Variants in SLC35E3 observed in about 807,000 individuals in gnomAD.
SLC35E3 encodes bladder cancer-overexpressed gene 1 protein.
A neutral mutation model predicts 30.8 loss-of-function variants in SLC35E3; 28 were observed. The observed-to-expected ratio is 0.91, with a 90% confidence interval of 0.67 to 1.25. The LOEUF (loss-of-function observed/expected upper bound fraction) is 1.25. Among genes scored for constraint, SLC35E3 ranks in the 50% most tolerant of loss-of-function variants. The pLI is 0.00. For synonymous variants in SLC35E3, 146 were observed against 149.2 expected (o/e 0.98, Z 0.16); for missense variants, 365 against 375.4 (o/e 0.97, Z 0.23).
rs747011413 is a variant in SLC35E3, at chr12:68,746,816, G to A, written c.402+37G>A. ...CAGCTTCCCAAGGCGCCGCTCTCCC[G>A]ACCCACCTCCTGCACTGGCCCCGGG... On this transcript the variant is annotated intron_variant, in intron 1 of 4. Transcript: ENST00000398004. The A allele has an allele frequency of 8.5e-6, 13 of 1,532,984 alleles. No homozygotes were observed. The East Asian group carries it at 1.8e-4, about 21-fold the overall frequency. The allele number at this position is 1,532,984 out of a possible 1,614,324, so 95.0% of individuals were successfully genotyped here. A position where few individuals can be genotyped will look rare whatever the true frequency, so the allele number is the denominator to read the frequency against.
At chr12:68,755,812 T>C (rs1382942385) in intron 3 of SLC35E3, among the ~76,000 whole-genome samples, 3 of 152,208 alleles carry the variant, frequency 2.0e-5, no homozygotes, top group African/African-American at 7.2e-5. Context: ...TCATGAGGGA[T>C]CCAGCCCCAT....
rs1437323771 is a variant in SLC35E3 at position 68,773,083 on chromosome 12, G to C, written c.*8193G>C. 2.0e-5 allele frequency: 3 copies of C among 152,238 alleles called. No individual in the cohort carries two copies. Among genetic ancestry groups the C allele is most frequent in the Non-Finnish European group, 4.4e-5 (3 of 68,058 alleles). 9.4% of individuals were successfully genotyped at this position (152,238 alleles called of 1,614,324 possible). The stretch of plus-strand genomic sequence containing the variant: ...AAAATAAATTTTGTTATCCGTGCTT[G>C]GGGCGGTGACCCTTGACCCCATTCC... On this transcript the variant is annotated 3_prime_UTR_variant, in exon 5 of 5. Transcript: ENST00000398004.
At chr12:68,763,343 A>T (rs889919187) in intron 4 of SLC35E3, among the ~76,000 whole-genome samples, 1 of 152,124 alleles carries the variant, frequency 6.6e-6, no homozygotes, top group African/African-American at 2.4e-5. Context: ...TAGAAAAAAT[A>T]GTTATATTTA....
rs1159509119 is a variant in SLC35E3 at position 68,775,496 on chromosome 12, G to A, written c.*10606G>A. ...GAGGGACTTGAGCATGGTAGCTCAG[G>A]TCTCTCTTCCTCTTCTTATAAAGGC... On this transcript the variant is annotated 3_prime_UTR_variant, in exon 5 of 5. Coordinates refer to ENST00000398004, the MANE Select transcript of SLC35E3 (RefSeq NM_018656.5). 1 of 152,132 alleles carries A rather than the reference G, an allele frequency of 6.6e-6. No individual in the cohort carries two copies. The highest frequency in any genetic ancestry group is 6.6e-5 in the Admixed American group (1 of 15,266). 9.4% of individuals were successfully genotyped at this position (152,132 alleles called of 1,614,324 possible).
chr12:68,749,166 G>C (rs1004438695), intron 2 of SLC35E3, among the ~76,000 whole-genome samples: 11 of 152,150 alleles, frequency 7.2e-5, no homozygotes, highest in Non-Finnish European at 1.2e-4. Context: ...GTTCACACAA[G>C]TCTCAAAATT....
At position 68,769,240 on chromosome 12, in the gene SLC35E3, T is replaced by C. The variant is rs1348021590; in HGVS notation, c.*4350T>C. Reference sequence around the variant, plus strand: ...CTGGGCAACAGAGCAAGACTCCATCTCAATAATAATAATAATAATAACAAA... The same window carrying C: ...CTGGGCAACAGAGCAAGACTCCATCCCAATAATAATAATAATAATAACAAA... On this transcript the variant is annotated 3_prime_UTR_variant, in exon 5 of 5. Transcript: ENST00000398004. 1.7e-5 allele frequency: 1 copy of C among 60,046 alleles called. No individual in the cohort carries two copies. The highest frequency in any genetic ancestry group is 4.3e-4 in the East Asian group (1 of 2,348). 3.7% of individuals were successfully genotyped at this position (60,046 alleles called of 1,614,324 possible).
intron 4 of SLC35E3, among the ~76,000 whole-genome samples, chr12:68,761,345 C>T (rs907520515): frequency 6.6e-6 from 1 of 152,088 alleles, no homozygotes; most frequent in Non-Finnish European, 1.5e-5. Flanking sequence ...CCCAGGAGTT[C>T]GAGACCAGTC....
chr12:68,770,815 C>G lies in SLC35E3; in HGVS notation c.*5925C>G, dbSNP rs1020438019. 1.3e-5 allele frequency: 2 copies of G among 152,702 alleles called. No homozygotes were observed. The highest frequency in any genetic ancestry group is 4.8e-5 in the African/African-American group (2 of 41,348). 9.5% of individuals were successfully genotyped at this position (152,702 alleles called of 1,614,324 possible). A position where few individuals can be genotyped will look rare whatever the true frequency, so the allele number is the denominator to read the frequency against. ...CGCCACTGCACTCTAGCCTGGGTGA[C>G]AGAGTGAGTCCCTGTCTCAACAACA... On this transcript the variant is annotated 3_prime_UTR_variant, in exon 5 of 5. Coordinates refer to ENST00000398004, the MANE Select transcript of SLC35E3 (RefSeq NM_018656.5).
At position 68,764,770 on chromosome 12, in the gene SLC35E3, T is replaced by C; in HGVS notation, c.822T>C (p.Asp274=). ...TCGGAGGATATGTTTTATTTAAGGATCCACTGTCCATTAATCAGGCCCTTG... is the reference window on the plus strand; with the variant it reads ...TCGGAGGATATGTTTTATTTAAGGACCCACTGTCCATTAATCAGGCCCTTG... The part of the protein sequence containing the change: ...TLFGGYVLFK[D]PLSINQALGI... The change falls in exon 5 of 5, where the codon GAT becomes GAC. Residue 274 remains aspartate (D), a synonymous_variant. Coordinates refer to ENST00000398004, the MANE Select transcript of SLC35E3 (RefSeq NM_018656.5). 6.2e-7 allele frequency: 1 copy of C among 1,614,156 alleles called. No individual in the cohort carries two copies. The highest frequency in any genetic ancestry group is 8.5e-7 in the Non-Finnish European group (1 of 1,180,036).
chr12:68,776,512 CA>C lies in SLC35E3; in HGVS notation c.*11635del, dbSNP rs747436123. 2.8e-3 allele frequency: 350 copies of C among 124,032 alleles called. 1 individual carries two copies. The highest frequency in any genetic ancestry group is 4.1e-3 in the Middle Eastern group (1 of 242). 7.7% of individuals were successfully genotyped at this position (124,032 alleles called of 1,614,324 possible). On this transcript the variant is annotated 3_prime_UTR_variant, in exon 5 of 5. Transcript: ENST00000398004. ...TGGGAGACAGAGTGAGACTCCGTCT[CA>C]AAAAAAAAAAAAGAAAAGAAAAATT...
Position 68,775,275 on chromosome 12 carries a change from T to A in SLC35E3, c.*10385T>A, listed in dbSNP as rs1054514522. 3.9e-5 allele frequency: 6 copies of A among 152,234 alleles called. No homozygotes were observed. The highest frequency in any genetic ancestry group is 3.9e-4 in the Admixed American group (6 of 15,280). 9.4% of individuals were successfully genotyped at this position (152,234 alleles called of 1,614,324 possible). A position where few individuals can be genotyped will look rare whatever the true frequency, so the allele number is the denominator to read the frequency against. ...GAACTCAGGAAGCAACAACTAAGCGTACTCGTTGTCTTAGTCCATTTTGTG... is the reference window on the plus strand; with the variant it reads ...GAACTCAGGAAGCAACAACTAAGCGAACTCGTTGTCTTAGTCCATTTTGTG... On this transcript the variant is annotated 3_prime_UTR_variant, in exon 5 of 5. Coordinates refer to ENST00000398004, the MANE Select transcript of SLC35E3 (RefSeq NM_018656.5).
rs1043026083 is a variant in SLC35E3, at chr12:68,777,181, G to T, written c.*12291G>T. The stretch of plus-strand genomic sequence containing the variant: ...TCCAGGAATTTCCTAAGACCATAGT[G>T]GGAGACAGCTGCATCAGAGGCCTCC... On this transcript the variant is annotated 3_prime_UTR_variant, in exon 5 of 5. Coordinates refer to ENST00000398004, the MANE Select transcript of SLC35E3 (RefSeq NM_018656.5). 2.6e-5 allele frequency: 4 copies of T among 152,194 alleles called. No homozygotes were observed. Among genetic ancestry groups the T allele is most frequent in the Admixed American group, 2.6e-4 (4 of 15,272 alleles). 9.4% of individuals were successfully genotyped at this position (152,194 alleles called of 1,614,324 possible).
chr12:68,754,290 T>G (rs1878921097), intron 3 of SLC35E3, among the ~76,000 whole-genome samples: 1 of 152,058 alleles, frequency 6.6e-6, no homozygotes, highest in African/African-American at 2.4e-5. Flanking sequence ...TTGTTTTGTT[T>G]TGTTTTGTTT....
rs1879619010 is a variant in SLC35E3, at chr12:68,772,160, C to T, written c.*7270C>T. 1 of 152,046 alleles carries T rather than the reference C, an allele frequency of 6.6e-6. No homozygotes were observed. Among genetic ancestry groups the T allele is most frequent in the Non-Finnish European group, 1.5e-5 (1 of 68,050 alleles). 9.4% of individuals were successfully genotyped at this position (152,046 alleles called of 1,614,324 possible). ...TCAAGCGATTCTCCCGCCTCTGCCT[C>T]CCGAGTAGCTGAGATTACAGGCACC... On this transcript the variant is annotated 3_prime_UTR_variant, in exon 5 of 5. Coordinates refer to ENST00000398004, the MANE Select transcript of SLC35E3 (RefSeq NM_018656.5).
rs1361776284 is a variant in SLC35E3 at position 68,746,410 on chromosome 12, C to A, written c.33C>A (p.His11Gln). 1 of 1,607,596 alleles carries A rather than the reference C, an allele frequency of 6.2e-7. No homozygotes were observed. The highest frequency in any genetic ancestry group is 1.7e-5 in the Admixed American group (1 of 59,602). Residue 11 changes from histidine to glutamine, a missense_variant, in exon 1 of 5, where the codon CAC (histidine) becomes CAA (glutamine). Physicochemically the swap from His to Gln is conservative, Grantham distance 24 (BLOSUM62 0). Coordinates refer to ENST00000398004, the MANE Select transcript of SLC35E3 (RefSeq NM_018656.5). Reference sequence around the variant, plus strand: ...TGCTGGTGGACCGAGTGCGGGGCCACTGGCGAATCGCCGCCGGGCTCCTGT... The same window carrying A: ...TGCTGGTGGACCGAGTGCGGGGCCAATGGCGAATCGCCGCCGGGCTCCTGT... MALLVDRVRG[H>Q]WRIAAGLLFN... is the part of the protein sequence containing the mutation.
rs1879768294 is a variant in SLC35E3, at chr12:68,777,196, C to T, written c.*12306C>T. The T allele has an allele frequency of 6.6e-6, 1 of 152,162 alleles. No individual in the cohort carries two copies. The highest frequency in any genetic ancestry group is 1.5e-5 in the Non-Finnish European group (1 of 68,030). 9.4% of individuals were successfully genotyped at this position (152,162 alleles called of 1,614,324 possible). A position where few individuals can be genotyped will look rare whatever the true frequency, so the allele number is the denominator to read the frequency against. ...AGACCATAGTGGGAGACAGCTGCAT[C>T]AGAGGCCTCCCAGTGCCATAGGACC... On this transcript the variant is annotated 3_prime_UTR_variant, in exon 5 of 5. Coordinates refer to ENST00000398004, the MANE Select transcript of SLC35E3 (RefSeq NM_018656.5).
chr12:68,764,988 G>A lies in SLC35E3; in HGVS notation c.*98G>A, dbSNP rs1392713914. ...AAAAAAAAATTGGGCCAGGCACGGT[G>A]GCTCACGCCTGTAATCCCAGCACTT... On this transcript the variant is annotated 3_prime_UTR_variant, in exon 5 of 5. Coordinates refer to ENST00000398004, the MANE Select transcript of SLC35E3 (RefSeq NM_018656.5). The A allele has an allele frequency of 8.4e-7, 1 of 1,190,924 alleles. No homozygotes were observed. The highest frequency in any genetic ancestry group is 1.2e-6 in the Non-Finnish European group (1 of 860,302). The allele number at this position is 1,190,924 out of a possible 1,614,324, so 73.8% of individuals were successfully genotyped here. A position where few individuals can be genotyped will look rare whatever the true frequency, so the allele number is the denominator to read the frequency against.
In SLC35E3 at chr12:68,779,431, A is replaced by G. The variant is rs533720487; in HGVS notation, c.*14541A>G. ...GATTTCAAAATATTGGTATTGAACC[A>G]GATGGTCTTGTGGCTTCAAAGAAGT... On this transcript the variant is annotated 3_prime_UTR_variant, in exon 5 of 5. Transcript: ENST00000398004. 2 of 152,344 alleles carry G rather than the reference A, an allele frequency of 1.3e-5. No homozygotes were observed. Among genetic ancestry groups the G allele is most frequent in the East Asian group, 3.9e-4 (2 of 5,192 alleles). 9.4% of individuals were successfully genotyped at this position (152,344 alleles called of 1,614,324 possible). A position where few individuals can be genotyped will look rare whatever the true frequency, so the allele number is the denominator to read the frequency against.
rs1879613007 is a variant in SLC35E3, at chr12:68,771,980, T to C, written c.*7090T>C. The C allele has an allele frequency of 6.6e-6, 1 of 152,220 alleles. No individual in the cohort carries two copies. The highest frequency in any genetic ancestry group is 1.5e-5 in the Non-Finnish European group (1 of 68,034). The allele number at this position is 152,220 out of a possible 1,614,324, so 9.4% of individuals were successfully genotyped here. A position where few individuals can be genotyped will look rare whatever the true frequency, so the allele number is the denominator to read the frequency against. On this transcript the variant is annotated 3_prime_UTR_variant, in exon 5 of 5. Coordinates refer to ENST00000398004, the MANE Select transcript of SLC35E3 (RefSeq NM_018656.5). ...ATTTCTCATTTGCTTATAATAAAAG[T>C]AGATTGAATAAATTAATCAGAAGGG...
Sources: allele counts gnomAD v4.1 joint callset (sites outside exome capture counted in the v4.1 genomes callset), GRCh38; gene constraint gnomAD v4.1.1; transcripts MANE v1.5; gene names NCBI Gene and HGNC (gene_info 2026-07-23, HGNC 2026-07-21).